FSHR: variants seen among roughly 807,000 people sequenced by gnomAD.
FSHR encodes the protein follicle-stimulating hormone receptor.
A neutral mutation model predicts 52.1 loss-of-function variants in FSHR; 46 were observed. The observed-to-expected ratio is 0.88, with a 90% CI of 0.70 to 1.13. The LOEUF is 1.13. Ranked by LOEUF, FSHR falls within the 50% of genes most tolerant of loss-of-function variation. FSHR has a pLI of 0.00. For synonymous variants in FSHR, 399 were observed against 309.6 expected (o/e 1.29, Z -3.03); for missense variants, 964 against 834.6 (o/e 1.16, Z -1.91).
Position 48,968,808 on chromosome 2 carries a change from C to T in FSHR, c.744G>A (p.Ser248=), listed in dbSNP as rs970765086. The change falls in exon 9 of 10, where the codon TCG becomes TCA. Residue 248 remains serine (S), a synonymous_variant. Coordinates refer to ENST00000406846, the MANE Select transcript of FSHR (RefSeq NM_000145.4). ...TAGGCAGCTTTTTTAAGTTGTAAGT[C>T]GACCTGGCCCTCAGCTTCTTAAGAT... ...LENLKKLRAR[S]TYNLKKLPTL... The T allele has an allele frequency of 8.7e-6, 14 of 1,613,948 alleles. No homozygotes were observed. The highest frequency in any genetic ancestry group is 6.7e-5 in the African/African-American group (5 of 74,910).
At position 49,145,151 on chromosome 2, in the gene FSHR, G is replaced by A. The variant is rs542197434; in HGVS notation, c.152+9115C>T. ...TCAATACAAGTAGTTTTGGAAAAAC[G>A]GTGAAGTTGGCAAAGAAAACAATGC... On this transcript the variant is annotated intron_variant, in intron 1 of 9. Transcript: ENST00000406846. 4.6e-5 allele frequency among the ~76,000 whole-genome samples: 7 copies of A among 152,144 alleles called. No homozygotes were observed. The East Asian group carries it at 9.7e-4, about 21-fold the overall frequency.
At chr2:48,985,905 G>A (rs953487758) in intron 6 of FSHR, among the ~76,000 whole-genome samples, 18 of 150,804 alleles carry the variant, frequency 1.2e-4, no homozygotes, top group African/African-American at 4.1e-4. Context: ...AGTAGAGACG[G>A]GGTTTCACCT....
intron 4 of FSHR, among the ~76,000 whole-genome samples, chr2:49,010,300 C>G (rs1667221628): frequency 7.0e-6 from 1 of 143,106 alleles, no homozygotes; most frequent in African/African-American, 2.5e-5. Flanking sequence ...TGGTTTTTGT[C>G]TTTGGCTCTG....
At chr2:49,096,104 T>C (rs1670813692) in intron 1 of FSHR, among the ~76,000 whole-genome samples, 1 of 152,186 alleles carries the variant, frequency 6.6e-6, no homozygotes, top group Non-Finnish European at 1.5e-5. Flanking sequence ...AATCCAGAAA[T>C]ACTACTCATA....
intron 4 of FSHR, among the ~76,000 whole-genome samples, chr2:49,009,701 C>G (rs1002187198): frequency 4.1e-5 from 6 of 146,432 alleles, no homozygotes; most frequent in East Asian, 2.0e-4. Context: ...CTTTTATTTC[C>G]TTGAGCAGTG....
intron 1 of FSHR, among the ~76,000 whole-genome samples, chr2:49,140,663 G>A (rs1233249258): frequency 2.0e-5 from 3 of 151,202 alleles, no homozygotes; most frequent in African/African-American, 7.3e-5. Flanking sequence ...TTGCACCATT[G>A]CACTCCATCC....
At position 49,107,786 on chromosome 2, in the gene FSHR, A is replaced by G. The variant is rs547306743; in HGVS notation, c.153-39496T>C. ...TTGAAAGAGACCTGGTGACTTTCAC[A>G]AATTCACACAATTTCTTAACAGCAG... On this transcript the variant is annotated intron_variant, in intron 1 of 9. Coordinates refer to ENST00000406846, the MANE Select transcript of FSHR (RefSeq NM_000145.4). Among the ~76,000 whole-genome samples, 15 of 152,284 alleles carry G rather than the reference A, an allele frequency of 9.9e-5. 1 individual carries two copies. The highest frequency in any genetic ancestry group is 3.6e-4 in the African/African-American group (15 of 41,572).
intron 9 of FSHR, among the ~76,000 whole-genome samples, 166 bp from the exon 10 acceptor site, chr2:48,964,132 T>A (rs539432073): frequency 6.6e-6 from 1 of 152,176 alleles, no homozygotes; most frequent in Non-Finnish European, 1.5e-5. Flanking sequence ...TAATGCTGCT[T>A]ACTGTAAATG....
At chr2:49,153,274 G>A (rs1673127419) in intron 1 of FSHR, among the ~76,000 whole-genome samples, 1 of 152,156 alleles carries the variant, frequency 6.6e-6, no homozygotes, top group Admixed American at 6.5e-5. Flanking sequence ...GTTGAAACAG[G>A]CTTCTGTTTA....
chr2:48,984,810 A>G (rs1179609590), intron 6 of FSHR, among the ~76,000 whole-genome samples: 1 of 152,196 alleles, frequency 6.6e-6, no homozygotes, highest in Non-Finnish European at 1.5e-5. Flanking sequence ...TGTCCTGTAA[A>G]TCGATGTTGC....
At chr2:49,120,445 A>G (rs1671772079) in intron 1 of FSHR, among the ~76,000 whole-genome samples, 1 of 152,182 alleles carries the variant, frequency 6.6e-6, no homozygotes. Flanking sequence ...GCTGGACAGG[A>G]TGGTCTTTTG....
chr2:49,109,902 G>T (rs955533125), intron 1 of FSHR, among the ~76,000 whole-genome samples: 1 of 152,116 alleles, frequency 6.6e-6, no homozygotes, highest in African/African-American at 2.4e-5. Context: ...AATCTGTTTT[G>T]ATGGGACTAG....
chr2:48,962,484 A>C lies in FSHR; in HGVS notation c.*249T>G. On this transcript the variant is annotated 3_prime_UTR_variant, in exon 10 of 10. Coordinates refer to ENST00000406846, the MANE Select transcript of FSHR (RefSeq NM_000145.4). ...AAGCACTTTGAACATAACGTGCAAAAATAACATATATAAGGATAAAATATG... is the reference window on the plus strand; with the variant it reads ...AAGCACTTTGAACATAACGTGCAAACATAACATATATAAGGATAAAATATG... 1 of 481,232 alleles carries C rather than the reference A, an allele frequency of 2.1e-6. No homozygotes were observed. Among genetic ancestry groups the C allele is most frequent in the Non-Finnish European group, 3.7e-6 (1 of 267,100 alleles). The allele number at this position is 481,232 out of a possible 1,614,324, so 29.8% of individuals were successfully genotyped here.
At chr2:48,971,348 G>A (rs918729953) in intron 8 of FSHR, among the ~76,000 whole-genome samples, 2 of 152,212 alleles carry the variant, frequency 1.3e-5, no homozygotes, top group African/African-American at 4.8e-5. Context: ...GGCAGCAACT[G>A]AGTCTTCTCT....
chr2:49,022,420 G>T (rs1667759090), intron 2 of FSHR, among the ~76,000 whole-genome samples: 1 of 152,096 alleles, frequency 6.6e-6, no homozygotes, highest in Non-Finnish European at 1.5e-5. Flanking sequence ...TTGGGGGCAG[G>T]TGAACAGGGT....
At chr2:49,006,033 C>G (rs564927966) in intron 4 of FSHR, among the ~76,000 whole-genome samples, 2 of 152,108 alleles carry the variant, frequency 1.3e-5, no homozygotes, top group Non-Finnish European at 2.9e-5. Flanking sequence ...ACATCTTTCT[C>G]TCAGGCTGGA....
chr2:49,046,204 A>G (rs1311535411), intron 2 of FSHR, among the ~76,000 whole-genome samples: 1 of 152,246 alleles, frequency 6.6e-6, no homozygotes, highest in Non-Finnish European at 1.5e-5. Flanking sequence ...TAGGATAGCC[A>G]CATGAAGATA....
At chr2:49,102,955 T>C (rs1671088195) in intron 1 of FSHR, among the ~76,000 whole-genome samples, 1 of 152,136 alleles carries the variant, frequency 6.6e-6, no homozygotes, top group Admixed American at 6.5e-5. Flanking sequence ...TCTCGATTTT[T>C]TTCTCCCATT....
intron 1 of FSHR, among the ~76,000 whole-genome samples, chr2:49,096,115 T>A (rs371567199): frequency 6.6e-6 from 1 of 152,228 alleles, no homozygotes; most frequent in Admixed American, 6.5e-5. Context: ...ACTACTCATA[T>A]GTATTTATTC....
Sources: allele counts gnomAD v4.1 joint callset (sites outside exome capture counted in the v4.1 genomes callset), GRCh38; gene constraint gnomAD v4.1.1; transcripts MANE v1.5; gene names NCBI Gene and HGNC (gene_info 2026-07-23, HGNC 2026-07-21).